The following ABHD5 variants were observed in gnomAD, a reference collection of about 807,000 sequenced individuals.
ABHD5 encodes abhydrolase domain containing 5, lysophosphatidic acid acyltransferase.
A neutral mutation model predicts 44.9 loss-of-function variants in ABHD5; 30 were observed. The ratio of observed to expected loss-of-function variants is 0.67; its 90% CI spans 0.50 to 0.91. The LOEUF is 0.91. Among genes scored for constraint, ABHD5 ranks in the 40% least tolerant of loss-of-function variants. The pLI, the probability that ABHD5 is intolerant of heterozygous loss-of-function variation, is 0.00. For missense variants in ABHD5, 399 were observed against 423.4 expected (o/e 0.94, Z 0.50); for synonymous variants, 167 against 147.0 (o/e 1.14, Z -0.99).
At chr3:43,727,764 A>G (rs2084887567) in intron 7 of ABHD5, among the ~76,000 whole-genome samples, 1 of 152,156 alleles carries the variant, frequency 6.6e-6, no homozygotes, top group African/African-American at 2.4e-5. Context: ...ATGCGCCACC[A>G]TGCCTGGCTA....
intron 1 of ABHD5, 24 bp from the exon 2 acceptor site, chr3:43,699,252 G>T (rs1203892682): frequency 2.5e-6 from 4 of 1,598,600 alleles, no homozygotes; most frequent in Non-Finnish European, 3.4e-6. Flanking sequence ...TCACCTATTT[G>T]TTATTTTGTT....
At chr3:43,709,893 A>C (rs1411447741) in intron 3 of ABHD5, among the ~76,000 whole-genome samples, 1 of 152,130 alleles carries the variant, frequency 6.6e-6, no homozygotes, top group Non-Finnish European at 1.5e-5. Context: ...AAATACAAAA[A>C]TTAGCCAGGC....
Position 43,690,939 on chromosome 3 carries a change from G to T in ABHD5, c.-54G>T. ...TGCCGCGCCAGCCCGGGGCGGCCCA[G>T]TCGGCCTGTCAGCCGGCTTCGAGAT... On this transcript the variant is annotated 5_prime_UTR_variant, in exon 1 of 7. Transcript: ENST00000644371. 1 of 1,537,250 alleles carries T rather than the reference G, an allele frequency of 6.5e-7. No individual in the cohort carries two copies. Among genetic ancestry groups the T allele is most frequent in the South Asian group, 1.2e-5 (1 of 83,672 alleles).
At chr3:43,704,118 C>CA (rs2084585869) in intron 3 of ABHD5, among the ~76,000 whole-genome samples, 1 of 148,086 alleles carries the variant, frequency 6.8e-6, no homozygotes, top group Non-Finnish European at 1.5e-5. Context: ...CGGCTCACCG[C>CA]AACCTCCGTC....
intron 3 of ABHD5, among the ~76,000 whole-genome samples, chr3:43,710,814 C>T (rs1347506965): frequency 1.3e-5 from 2 of 152,144 alleles, no homozygotes; most frequent in Admixed American, 6.5e-5. Flanking sequence ...TACAGTTGAA[C>T]ATTGTATTGT....
At chr3:43,704,033 CTTTTTTTTTT>C (rs10544525) in intron 3 of ABHD5, among the ~76,000 whole-genome samples, 3,331 of 85,168 alleles carry the variant, frequency 0.039, 69 homozygotes, top group South Asian at 0.14. Context: ...TCTTTATTTT[CTTTTTTTTTT>C]TTTTTTTTTT....
At chr3:43,730,148 G>A (rs2084903587) in intron 7 of ABHD5, among the ~76,000 whole-genome samples, 1 of 152,224 alleles carries the variant, frequency 6.6e-6, no homozygotes, top group South Asian at 2.1e-4. Context: ...CAGTGGGAAA[G>A]GTACACTTAT....
At chr3:43,716,191 CATCAAGAATAG>C (rs1347178790) in intron 5 of ABHD5, among the ~76,000 whole-genome samples, 1 of 152,126 alleles carries the variant, frequency 6.6e-6, no homozygotes, top group Non-Finnish European at 1.5e-5. Flanking sequence ...CTAGGAAGAG[CATCAAGAATAG>C]AGTGCAAAGA....
intron 7 of ABHD5, among the ~76,000 whole-genome samples, chr3:43,728,568 A>T (rs114694623): frequency 6.6e-6 from 1 of 152,202 alleles, no homozygotes; most frequent in Non-Finnish European, 1.5e-5. Flanking sequence ...GATGACACCA[A>T]TCAGGGCTTA....
At chr3:43,701,441 A>G (rs2084541211) in intron 2 of ABHD5, among the ~76,000 whole-genome samples, 2 of 152,264 alleles carry the variant, frequency 1.3e-5, no homozygotes, top group Non-Finnish European at 1.5e-5. Flanking sequence ...GGGTATATCA[A>G]AAATGCAGCT....
chr3:43,732,615 T>C (rs552806479), intron 7 of ABHD5, among the ~76,000 whole-genome samples: 2 of 152,350 alleles, frequency 1.3e-5, no homozygotes, highest in East Asian at 1.9e-4. Flanking sequence ...TAGAACTAAT[T>C]GTATTTTTAA....
chr3:43,694,086 C>T (rs759877938), intron 1 of ABHD5, among the ~76,000 whole-genome samples: 1 of 124,386 alleles, frequency 8.0e-6, no homozygotes, highest in Non-Finnish European at 1.6e-5. Context: ...CGTGAAACCC[C>T]GTCTGTATTA....
In ABHD5 at chr3:43,702,210, A is replaced by G. The variant is rs2084549508; in HGVS notation, c.134-5A>G. The G allele has an allele frequency of 2.5e-6, 4 of 1,577,884 alleles. No individual in the cohort carries two copies. Among genetic ancestry groups the G allele is most frequent in the Non-Finnish European group, 3.5e-6 (4 of 1,158,346 alleles). On this transcript the variant is annotated splice_polypyrimidine_tract_variant and splice_region_variant and intron_variant, in intron 2 of 6. Transcript: ENST00000644371. Reference sequence around the variant, plus strand: ...AACAGAATTTCTCTTTTATGTTTTCATTAGGTGTGCCTTGCACATACAAAA... The same window carrying G: ...AACAGAATTTCTCTTTTATGTTTTCGTTAGGTGTGCCTTGCACATACAAAA...
At chr3:43,728,700 G>C (rs2084893906) in intron 7 of ABHD5, among the ~76,000 whole-genome samples, 1 of 152,182 alleles carries the variant, frequency 6.6e-6, no homozygotes, top group African/African-American at 2.4e-5. Context: ...GGGGACAGGA[G>C]CCAACCATTA....
intron 3 of ABHD5, among the ~76,000 whole-genome samples, chr3:43,705,831 C>T (rs568129373): frequency 2.8e-4 from 43 of 151,992 alleles, no homozygotes; most frequent in Non-Finnish European, 5.9e-4. Flanking sequence ...TTGCTGTCCA[C>T]GTTTATTTAT....
intron 5 of ABHD5, among the ~76,000 whole-genome samples, chr3:43,715,361 C>T (rs558212609): frequency 3.3e-4 from 50 of 152,162 alleles, no homozygotes; most frequent in African/African-American, 1.1e-3. Context: ...CGGGGTTTCT[C>T]CATGTTGGTC....
chr3:43,717,592 G>A (rs1424908194), intron 5 of ABHD5, 79 bp from the exon 6 acceptor site: 4 of 1,434,574 alleles, frequency 2.8e-6, no homozygotes, highest in Non-Finnish European at 3.9e-6. Flanking sequence ...AAATATGAAT[G>A]TGTTTTGATA....
At position 43,718,591 on chromosome 3, in the gene ABHD5, C is replaced by A. The variant is rs1363195321; in HGVS notation, c.*59C>A. The A allele has an allele frequency of 6.6e-7, 1 of 1,508,194 alleles. No individual in the cohort carries two copies. The highest frequency in any genetic ancestry group is 2.3e-5 in the East Asian group (1 of 44,282). The allele number at this position is 1,508,194 out of a possible 1,614,324, so 93.4% of individuals were successfully genotyped here. ...CTGATATAGTTGTTCAGCAATAATTCATAGTCTGTGATGAAGAGTAGTGAA... is the reference window on the plus strand; with the variant it reads ...CTGATATAGTTGTTCAGCAATAATTAATAGTCTGTGATGAAGAGTAGTGAA... On this transcript the variant is annotated 3_prime_UTR_variant, in exon 7 of 7. Coordinates refer to ENST00000644371, the MANE Select transcript of ABHD5 (RefSeq NM_016006.6).
chr3:43,700,948 G>A (rs983966511), intron 2 of ABHD5, among the ~76,000 whole-genome samples: 1 of 152,114 alleles, frequency 6.6e-6, no homozygotes, highest in Non-Finnish European at 1.5e-5. Flanking sequence ...ACAAAACTAA[G>A]AAAGATGTCA....
Sources: allele counts gnomAD v4.1 joint callset (sites outside exome capture counted in the v4.1 genomes callset), GRCh38; gene constraint gnomAD v4.1.1; transcripts MANE v1.5; gene names NCBI Gene and HGNC (gene_info 2026-07-23, HGNC 2026-07-21).